Variants in CHST9 observed in about 807,000 individuals in gnomAD.
The protein encoded by CHST9 is GalNAc-4-sulfotransferase 2.
In CHST9, 41 loss-of-function variants were observed where a neutral mutation model predicts 44.4. The observed-to-expected ratio is 0.92, with a 90% confidence interval of 0.72 to 1.20. CHST9 has a LOEUF of 1.20. CHST9 is among the 50% of genes most tolerant of loss of function. The probability of loss-of-function intolerance (pLI) is 0.00; values close to 1 mark genes in which losing one functional copy is unlikely to be tolerated. For missense variants in CHST9, 504 were observed against 516.5 expected, an observed-to-expected ratio of 0.98 and a Z score of 0.23; for synonymous variants, 171 against 178.4, an observed-to-expected ratio of 0.96 and a Z score of 0.33.
At chr18:26,996,926 T>G (rs2056894197) in intron 4 of CHST9, among the ~76,000 whole-genome samples, 1 of 152,214 alleles carries the variant, frequency 6.6e-6, no homozygotes, top group Non-Finnish European at 1.5e-5. Flanking sequence ...TCGTCAGCAA[T>G]AATCCTTTGT....
chr18:26,969,193 G>A (rs2056505831), intron 4 of CHST9, among the ~76,000 whole-genome samples: 1 of 151,984 alleles, frequency 6.6e-6, no homozygotes, highest in Admixed American at 6.6e-5. Context: ...TAGTGGAGAC[G>A]GGGTTTCACC....
chr18:26,990,638 T>C (rs2056805486), intron 4 of CHST9, among the ~76,000 whole-genome samples: 1 of 152,218 alleles, frequency 6.6e-6, no homozygotes, highest in Non-Finnish European at 1.5e-5. Context: ...TGTAGTAATT[T>C]AGGTGTTTGC....
chr18:27,100,917 T>C (rs1217453492), intron 2 of CHST9, among the ~76,000 whole-genome samples: 1 of 152,188 alleles, frequency 6.6e-6, no homozygotes, highest in Non-Finnish European at 1.5e-5. Flanking sequence ...GCATTTCCTA[T>C]TGGTTGGGAC....
chr18:27,019,056 G>T (rs1211288310), intron 4 of CHST9, among the ~76,000 whole-genome samples: 2 of 152,344 alleles, frequency 1.3e-5, no homozygotes, highest in Middle Eastern at 3.4e-3. Flanking sequence ...CTGGAGTCTT[G>T]ACCTATGTTT....
At chr18:27,123,544 G>A (rs1272522579) in intron 2 of CHST9, among the ~76,000 whole-genome samples, 2 of 151,996 alleles carry the variant, frequency 1.3e-5, no homozygotes, top group African/African-American at 4.8e-5. Flanking sequence ...AATTCTACAG[G>A]AGCAGAAAAA....
At chr18:27,022,013 T>G (rs1222981287) in intron 4 of CHST9, among the ~76,000 whole-genome samples, 1 of 152,144 alleles carries the variant, frequency 6.6e-6, no homozygotes, top group Non-Finnish European at 1.5e-5. Context: ...AAGAGCTCAG[T>G]GAGGTCACCC....
rs544970258 is a variant in CHST9 at position 26,908,706 on chromosome 18, T to C, written c.*7553A>G. 1 of 152,334 alleles carries C rather than the reference T, an allele frequency of 6.6e-6. No homozygotes were observed. The highest frequency in any genetic ancestry group is 2.4e-5 in the African/African-American group (1 of 41,582). 9.4% of individuals were successfully genotyped at this position (152,334 alleles called of 1,614,324 possible). A position where few individuals can be genotyped will look rare whatever the true frequency, so the allele number is the denominator to read the frequency against. On this transcript the variant is annotated 3_prime_UTR_variant, in exon 6 of 6. Coordinates refer to ENST00000618847, the MANE Select transcript of CHST9 (RefSeq NM_031422.6). ...GACCCACATGAAAGGGCTGTGTTTATATGTCAGAGTCAGTCAAATGTTGGC... is the reference window on the plus strand; with the variant it reads ...GACCCACATGAAAGGGCTGTGTTTACATGTCAGAGTCAGTCAAATGTTGGC...
chr18:27,164,140 A>G (rs927052155), intron 1 of CHST9, among the ~76,000 whole-genome samples: 3 of 152,204 alleles, frequency 2.0e-5, no homozygotes, highest in Non-Finnish European at 2.9e-5. Context: ...GGCAAGAGAG[A>G]AGGCAACAGA....
intron 2 of CHST9, among the ~76,000 whole-genome samples, chr18:27,088,146 A>C (rs2058031030): frequency 6.6e-6 from 1 of 152,218 alleles, no homozygotes; most frequent in Non-Finnish European, 1.5e-5. Context: ...AATACTCTGC[A>C]TATAGTTTTG....
intron 1 of CHST9, among the ~76,000 whole-genome samples, chr18:27,150,256 A>G (rs2058649347): frequency 6.6e-6 from 1 of 152,272 alleles, no homozygotes; most frequent in South Asian, 2.1e-4. Context: ...CCAGAGTGAC[A>G]TTGGTACTAG....
At chr18:27,169,868 A>G (rs1183078518) in intron 1 of CHST9, among the ~76,000 whole-genome samples, 1 of 152,112 alleles carries the variant, frequency 6.6e-6, no homozygotes, top group African/African-American at 2.4e-5. Flanking sequence ...CGGCCTCCCA[A>G]AGTGCTGGGA....
chr18:27,110,627 G>A (rs1423970164), intron 2 of CHST9, among the ~76,000 whole-genome samples: 1 of 152,196 alleles, frequency 6.6e-6, no homozygotes, highest in African/African-American at 2.4e-5. Context: ...TACCTAGAGG[G>A]AAAAGAGTGG....
chr18:26,968,652 C>T (rs2056497420), intron 4 of CHST9, among the ~76,000 whole-genome samples: 1 of 152,306 alleles, frequency 6.6e-6, no homozygotes, highest in East Asian at 1.9e-4. Context: ...AAATATTCTA[C>T]AATGGTGCAT....
intron 4 of CHST9, among the ~76,000 whole-genome samples, chr18:27,010,401 G>A (rs1371302379): frequency 6.6e-6 from 1 of 152,158 alleles, no homozygotes; most frequent in East Asian, 1.9e-4. Flanking sequence ...TACATGACTT[G>A]AAGTAATTGT....
In CHST9 at chr18:26,908,388, GC is replaced by G. The variant is rs1280514146; in HGVS notation, c.*7870del. On this transcript the variant is annotated 3_prime_UTR_variant, in exon 6 of 6. Transcript: ENST00000618847. ...GCAGAGATGGTGCCACTGCACTGCA[GC>G]CTGGGCGACAAGAGTGAAACTCTGT... 6.6e-6 allele frequency: 1 copy of G among 151,880 alleles called. No homozygotes were observed. Among genetic ancestry groups the G allele is most frequent in the Non-Finnish European group, 1.5e-5 (1 of 68,008 alleles). The allele number at this position is 151,880 out of a possible 1,614,324, so 9.4% of individuals were successfully genotyped here. A position where few individuals can be genotyped will look rare whatever the true frequency, so the allele number is the denominator to read the frequency against.
intron 4 of CHST9, among the ~76,000 whole-genome samples, chr18:26,976,791 T>C (rs2145182811): frequency 6.6e-6 from 1 of 152,176 alleles, no homozygotes; most frequent in South Asian, 2.1e-4. Context: ...GGGGGCTGCT[T>C]TGCTCCTGAG....
At chr18:26,969,234 C>T (rs556901528) in intron 4 of CHST9, among the ~76,000 whole-genome samples, 2 of 152,116 alleles carry the variant, frequency 1.3e-5, no homozygotes, top group African/African-American at 2.4e-5. Flanking sequence ...GATCTCCTGA[C>T]CTTGTGATCC....
At chr18:27,048,570 AG>A in intron 2 of CHST9, 67 bp from the exon 3 acceptor site, 1 of 1,369,958 alleles carries the variant, frequency 7.3e-7, no homozygotes, top group Non-Finnish European at 1.0e-6. Flanking sequence ...ATAAGATGAA[AG>A]CCCAGTTTAC....
chr18:26,916,522 A>T lies in CHST9; in HGVS notation c.1069T>A (p.Cys357Ser). The T allele has an allele frequency of 6.2e-7, 1 of 1,613,868 alleles. No individual in the cohort carries two copies. The highest frequency in any genetic ancestry group is 8.5e-7 in the Non-Finnish European group (1 of 1,179,780). ...TCATAGTTGATCAAACACGGATAGC[A>T]GAGTTTGCTGACCTTTTCCCAGTGA... ...DIHWEKVSKL[C>S]YPCLINYDFV... The change falls in exon 6 of 6, where the codon TGC becomes AGC. Residue 357 changes from cysteine to serine, a missense_variant. Cys to Ser is a moderately radical substitution (Grantham distance 112, BLOSUM62 -1). Coordinates refer to ENST00000618847, the MANE Select transcript of CHST9 (RefSeq NM_031422.6).
Sources: allele counts gnomAD v4.1 joint callset (sites outside exome capture counted in the v4.1 genomes callset), GRCh38; gene constraint gnomAD v4.1.1; transcripts MANE v1.5; gene names NCBI Gene and HGNC (gene_info 2026-07-23, HGNC 2026-07-21).